Variants in FGF12 observed in about 807,000 individuals in gnomAD.
FGF12 encodes fibroblast growth factor 12B.
FGF12 carries 14 observed loss-of-function variants against 23.6 expected under a neutral mutation model. The ratio of observed to expected loss-of-function variants is 0.59; its 90% CI spans 0.39 to 0.93. The LOEUF is 0.93. FGF12 is among the 40% of genes least tolerant of loss of function. The pLI is 0.00. For synonymous variants in FGF12, 62 were observed against 77.3 expected (o/e 0.80, Z 1.04); for missense variants, 175 against 217.8 (o/e 0.80, Z 1.24).
At chr3:192,471,049 T>C (rs895298887) in intron 2 of FGF12, among the ~76,000 whole-genome samples, 2 of 152,150 alleles carry the variant, frequency 1.3e-5, no homozygotes, top group Non-Finnish European at 2.9e-5. Flanking sequence ...TTAAAGTATT[T>C]TACTTTACAT....
intron 2 of FGF12, among the ~76,000 whole-genome samples, chr3:192,446,700 G>T (rs2134126): frequency 6.6e-6 from 1 of 152,018 alleles, no homozygotes; most frequent in African/African-American, 2.4e-5. Context: ...TCAGACCACC[G>T]GCATCCTCAC....
At chr3:192,688,875 T>G (rs552751321) in intron 2 of FGF12, among the ~76,000 whole-genome samples, 1 of 152,156 alleles carries the variant, frequency 6.6e-6, no homozygotes, top group Non-Finnish European at 1.5e-5. Flanking sequence ...AAATAAAATG[T>G]GGGATATATA....
rs147970695 is a variant in FGF12 at position 192,217,673 on chromosome 3, T to C, written c.229-47017A>G. 3.0e-3 allele frequency among the ~76,000 whole-genome samples: 450 copies of C among 152,320 alleles called. 4 individuals are homozygous for C. The highest frequency in any genetic ancestry group is 0.017 in the Middle Eastern group (5 of 294). The stretch of plus-strand genomic sequence containing the variant: ...ATATATAAAATCAAATTTGAAGATG[T>C]TTCTCTGAATTGCTTTGCTTTAAAT... On this transcript the variant is annotated intron_variant, in intron 4 of 5. Transcript: ENST00000445105.
intron 2 of FGF12, among the ~76,000 whole-genome samples, chr3:192,706,447 A>G (rs1718474260): frequency 6.6e-6 from 1 of 152,046 alleles, no homozygotes; most frequent in African/African-American, 2.4e-5. Context: ...GCCGAACAGC[A>G]CCCGGATGAA....
At chr3:192,631,055 G>A (rs954440951) in intron 2 of FGF12, among the ~76,000 whole-genome samples, 3 of 152,056 alleles carry the variant, frequency 2.0e-5, no homozygotes, top group South Asian at 2.1e-4. Context: ...GAGTTCAAAC[G>A]TATCAAGTCC....
chr3:192,306,694 A>G (rs762724494), intron 4 of FGF12, among the ~76,000 whole-genome samples: 2 of 152,224 alleles, frequency 1.3e-5, no homozygotes, highest in Non-Finnish European at 2.9e-5. Flanking sequence ...AGAGTCGACA[A>G]TGGTTTGTCA....
intron 4 of FGF12, among the ~76,000 whole-genome samples, chr3:192,307,819 T>A (rs1287538803): frequency 1.3e-5 from 2 of 152,218 alleles, no homozygotes; most frequent in African/African-American, 4.8e-5. Context: ...GACTACTGGA[T>A]CAGTCTCTCA....
intron 4 of FGF12, among the ~76,000 whole-genome samples, chr3:192,286,359 C>A (rs1714446393): frequency 6.6e-6 from 1 of 151,994 alleles, no homozygotes; most frequent in Non-Finnish European, 1.5e-5. Context: ...GAAGCGTTCC[C>A]ACTCACTGTT....
chr3:192,205,724 G>C (rs566304849), intron 4 of FGF12, among the ~76,000 whole-genome samples: 1 of 152,278 alleles, frequency 6.6e-6, no homozygotes, highest in East Asian at 1.9e-4. Flanking sequence ...TTCTGATGAA[G>C]AGATTTGGAA....
At chr3:192,671,818 C>CGA (rs1717134488) in intron 2 of FGF12, among the ~76,000 whole-genome samples, 1 of 151,896 alleles carries the variant, frequency 6.6e-6, no homozygotes, top group South Asian at 2.1e-4. Context: ...CACACACACA[C>CGA]TCACAAGAAC....
intron 2 of FGF12, among the ~76,000 whole-genome samples, chr3:192,515,845 T>C (rs371297975): frequency 2.0e-5 from 3 of 151,178 alleles, no homozygotes; most frequent in Admixed American, 6.6e-5. Context: ...TTTTTTTTTT[T>C]CTTTTCCTGA....
At chr3:192,233,215 G>A (rs1322514249) in intron 4 of FGF12, among the ~76,000 whole-genome samples, 2 of 152,108 alleles carry the variant, frequency 1.3e-5, no homozygotes, top group Non-Finnish European at 2.9e-5. Context: ...ACCAGCATCT[G>A]TTATTTTTTG....
At chr3:192,642,194 G>C (rs1173865826) in intron 2 of FGF12, among the ~76,000 whole-genome samples, 1 of 151,992 alleles carries the variant, frequency 6.6e-6, no homozygotes, top group Non-Finnish European at 1.5e-5. Context: ...TTTACTGTCT[G>C]TCTCAAACAC....
At chr3:192,689,055 C>A (rs1005570579) in intron 2 of FGF12, among the ~76,000 whole-genome samples, 3 of 151,854 alleles carry the variant, frequency 2.0e-5, no homozygotes, top group Non-Finnish European at 4.4e-5. Context: ...GTAGAGAGTA[C>A]AATGATAGAT....
intron 4 of FGF12, among the ~76,000 whole-genome samples, chr3:192,188,503 T>C (rs191555689): frequency 2.0e-5 from 3 of 152,290 alleles, no homozygotes; most frequent in Admixed American, 1.3e-4. Context: ...GATTCTTATA[T>C]CTATTTCATT....
At chr3:192,602,151 T>C (rs1714139729) in intron 2 of FGF12, among the ~76,000 whole-genome samples, 1 of 152,170 alleles carries the variant, frequency 6.6e-6, no homozygotes, top group Non-Finnish European at 1.5e-5. Flanking sequence ...TTCTAACAAA[T>C]GTCTTATTCT....
chr3:192,639,931 T>G (rs2108663447), intron 2 of FGF12, among the ~76,000 whole-genome samples: 1 of 151,886 alleles, frequency 6.6e-6, no homozygotes, highest in South Asian at 2.1e-4. Context: ...ACAAAATGGA[T>G]AAACCTGGAG....
chr3:192,352,206 A>G (rs1718254671), intron 3 of FGF12, among the ~76,000 whole-genome samples: 1 of 152,144 alleles, frequency 6.6e-6, no homozygotes, highest in Admixed American at 6.6e-5. Context: ...TGCTTTCCCT[A>G]TTATATTAGG....
chr3:192,447,623 A>G (rs1443024601), intron 2 of FGF12, among the ~76,000 whole-genome samples: 1 of 152,218 alleles, frequency 6.6e-6, no homozygotes, highest in Non-Finnish European at 1.5e-5. Context: ...GCTGTAACCT[A>G]AGCACTCTTT....
Sources: allele counts gnomAD v4.1 joint callset (sites outside exome capture counted in the v4.1 genomes callset), GRCh38; gene constraint gnomAD v4.1.1; transcripts MANE v1.5; gene names NCBI Gene and HGNC (gene_info 2026-07-23, HGNC 2026-07-21).